Variants in PRRC2C observed in about 807,000 individuals in gnomAD.
The protein encoded by PRRC2C is proline rich coiled-coil 2C.
A neutral mutation model predicts 317.2 loss-of-function variants in PRRC2C; 72 were observed. That is an observed-to-expected ratio of 0.23 (90% confidence interval 0.19 to 0.28). The LOEUF is 0.28. Among genes scored for constraint, PRRC2C ranks in the 10% least tolerant of loss-of-function variants. The pLI, the probability that PRRC2C is intolerant of heterozygous loss-of-function variation, is 1.00. For missense variants in PRRC2C, 3,074 were observed against 3,459.7 expected, an observed-to-expected ratio of 0.89 and a Z score of 2.80; for synonymous variants, 1,296 against 1,205.9, an observed-to-expected ratio of 1.07 and a Z score of -1.55.
chr1:171,544,642 G>A (rs998791053), intron 16 of PRRC2C, among the ~76,000 whole-genome samples: 4 of 152,156 alleles, frequency 2.6e-5, no homozygotes, highest in Non-Finnish European at 5.9e-5. Context: ...AGATTTTTGT[G>A]CCATGTAAAT....
chr1:171,492,901 A>G (rs974057093), intron 1 of PRRC2C, among the ~76,000 whole-genome samples: 13 of 151,804 alleles, frequency 8.6e-5, no homozygotes, highest in Non-Finnish European at 1.8e-4. Flanking sequence ...ACAGGTGTGT[A>G]CCAGCACACC....
chr1:171,549,338 A>G (rs1278255114), intron 17 of PRRC2C, among the ~76,000 whole-genome samples: 4 of 152,202 alleles, frequency 2.6e-5, no homozygotes, highest in Admixed American at 1.3e-4. Flanking sequence ...CACTAAGCCA[A>G]TTTATTTCAT....
Position 171,541,529 on chromosome 1 carries a change from A to G in PRRC2C, c.4063A>G (p.Arg1355Gly). The G allele has an allele frequency of 6.2e-7, 1 of 1,613,582 alleles. No homozygotes were observed. Among genetic ancestry groups the G allele is most frequent in the African/African-American group, 1.3e-5 (1 of 75,034 alleles). The stretch of plus-strand genomic sequence containing the variant: ...AGGGGGAACATTCAGGCGTGGTGGA[A>G]GGGATCCTGGAGGCCGTCCATCACG... ...GRGGTFRRGG[R>G]DPGGRPSRPS... is the part of the protein sequence containing the mutation. The change falls in exon 16 of 35, where the codon AGG (arginine) becomes GGG (glycine). Residue 1355 changes from arginine to glycine, a missense_variant. Arg to Gly is a moderately radical substitution (Grantham distance 125, BLOSUM62 -2). This residue lies in a region of PRRC2C where 1,320 missense variants were observed against 1,395.7 expected (regional missense o/e 0.95). Coordinates refer to ENST00000647382, the MANE Select transcript of PRRC2C (RefSeq NM_001387844.1). The surrounding 1 kb of genome is among the most constrained non-coding windows in gnomAD (Gnocchi z 4.1).
chr1:171,573,780 G>A lies in PRRC2C; in HGVS notation c.6754-1147G>A, dbSNP rs936255577. ...TGCAACCTCTGCCTCCCGGGTTCAC[G>A]CAATTCTCCTGCCTCAGCCTCCCGA... On this transcript the variant is annotated intron_variant, in intron 24 of 34. Coordinates refer to ENST00000647382, the MANE Select transcript of PRRC2C (RefSeq NM_001387844.1). Among the ~76,000 whole-genome samples the A allele has an allele frequency of 5.7e-5, 8 of 140,212 alleles. No homozygotes were observed. The East Asian group carries it at 6.9e-4, about 12-fold the overall frequency. The allele number at this position is 140,212 out of a possible 152,430, so 92.0% of individuals were successfully genotyped here.
At chr1:171,554,406 C>T (rs1349411997) in intron 18 of PRRC2C, among the ~76,000 whole-genome samples, 1 of 152,166 alleles carries the variant, frequency 6.6e-6, no homozygotes, top group African/African-American at 2.4e-5. Flanking sequence ...ATTGATGAGT[C>T]TTGACTCTTT....
chr1:171,517,210 C>A (rs1040538795), intron 5 of PRRC2C, among the ~76,000 whole-genome samples: 2 of 152,190 alleles, frequency 1.3e-5, no homozygotes, highest in African/African-American at 4.8e-5. Flanking sequence ...TCACTGTCAA[C>A]CCTTCCAGAT....
At chr1:171,544,051 A>G (rs753645467) in intron 16 of PRRC2C, among the ~76,000 whole-genome samples, 1 of 152,104 alleles carries the variant, frequency 6.6e-6, no homozygotes, top group Non-Finnish European at 1.5e-5. Flanking sequence ...TCACCTTCCA[A>G]AGTTCTCACC....
intron 1 of PRRC2C, chr1:171,510,394 T>C (rs1360854272): frequency 2.6e-5 from 4 of 152,228 alleles, no homozygotes; most frequent in African/African-American, 9.6e-5. Context: ...TTGACTGTTT[T>C]TCTTGATACA....
Position 171,557,892 on chromosome 1 carries a change from C to G in PRRC2C, c.5780C>G (p.Ala1927Gly). The change falls in exon 19 of 35, where the codon GCC becomes GGC. Residue 1927 changes from alanine (A) to glycine (G), a missense_variant. Physicochemically the swap from Ala to Gly is moderately conservative, Grantham distance 60 (BLOSUM62 0). Around this residue, in one of 11 missense-constraint regions of PRRC2C, gnomAD observed 640 missense variants for 676.1 expected, o/e 0.95. Transcript: ENST00000647382. ...ACCCCAGTCTCAGCCCCAAATCCTG[C>G]CCCACCTGCCCCAGCCCAGACTCAG... ...APTPVSAPNP[A>G]PPAPAQTQAQ... The G allele has an allele frequency of 6.5e-7, 1 of 1,547,940 alleles. No homozygotes were observed. The highest frequency in any genetic ancestry group is 1.2e-5 in the South Asian group (1 of 83,308).
chr1:171,493,934 T>C lies in PRRC2C; in HGVS notation c.-58+8199T>C, dbSNP rs540471314. ...TATTCTAAGAGCTTTATACACACTT[T>C]GTTAATTAAATCTTATAATAGTATT... On this transcript the variant is annotated intron_variant, in intron 1 of 34. Transcript: ENST00000647382. 3.9e-5 allele frequency among the ~76,000 whole-genome samples: 6 copies of C among 152,378 alleles called. No homozygotes were observed. In the South Asian group the frequency reaches 1.2e-3, roughly 32 times the overall value.
chr1:171,555,849 G>T (rs796606367), intron 18 of PRRC2C, among the ~76,000 whole-genome samples: 1 of 151,882 alleles, frequency 6.6e-6, no homozygotes, highest in Admixed American at 6.6e-5. Context: ...TGGAAGCCTC[G>T]GTCTCCCAGT....
Position 171,584,417 on chromosome 1 carries a change from A to G in PRRC2C, c.7642-2A>G. 1 of 1,549,368 alleles carries G rather than the reference A, an allele frequency of 6.5e-7. No individual in the cohort carries two copies. Reference sequence around the variant, plus strand: ...CATGTTTTCTTAAAAAATTTTTTCTAGGCCAGAGCAAATCTTACCCAGGCC... The same window carrying G: ...CATGTTTTCTTAAAAAATTTTTTCTGGGCCAGAGCAAATCTTACCCAGGCC... On this transcript the variant is annotated splice_acceptor_variant, in intron 29 of 34. Coordinates refer to ENST00000647382, the MANE Select transcript of PRRC2C (RefSeq NM_001387844.1). LOFTEE classifies it high-confidence loss of function.
In PRRC2C at chr1:171,561,042, C is replaced by G; in HGVS notation, c.6056C>G (p.Pro2019Arg). The change falls in exon 20 of 35, where the codon CCA becomes CGA. Residue 2019 changes from proline (P) to arginine (R), a missense_variant. Pro to Arg is a moderately radical substitution (Grantham distance 103). This residue lies in a region of PRRC2C where 640 missense variants were observed against 676.1 expected (regional missense o/e 0.95). Transcript: ENST00000647382. The part of the protein sequence containing the change: ...KKLGPISPPQ[P>R]PSVSAWNKPL... ...GTAGGTCCCATTAGTCCACCACAGC[C>G]ACCTTCAGTCAGTGCATGGAATAAG... 1 of 1,606,666 alleles carries G rather than the reference C, an allele frequency of 6.2e-7. No individual in the cohort carries two copies. The highest frequency in any genetic ancestry group is 1.3e-5 in the African/African-American group (1 of 74,862).
Position 171,537,388 on chromosome 1 carries a change from A to G in PRRC2C, c.2419A>G (p.Met807Val). ...CGCAATTTCCCTTTCTGAGCCTCGT[A>G]TGCTGTGGGGGTCAGATCCCTATCC... ...DHAISLSEPR[M>V]LWGSDPYPHA... The change falls in exon 15 of 35, where the codon ATG becomes GTG. Residue 807 changes from methionine to valine, a missense_variant. Met to Val is a conservative substitution (Grantham distance 21). This residue lies in a region of PRRC2C where 1,320 missense variants were observed against 1,395.7 expected (regional missense o/e 0.95). Transcript: ENST00000647382. 1 of 1,588,724 alleles carries G rather than the reference A, an allele frequency of 6.3e-7. No individual in the cohort carries two copies. Among genetic ancestry groups the G allele is most frequent in the Non-Finnish European group, 8.6e-7 (1 of 1,166,728 alleles).
intron 28 of PRRC2C, among the ~76,000 whole-genome samples, chr1:171,580,667 C>T (rs1648361671): frequency 6.6e-6 from 1 of 152,004 alleles, no homozygotes; most frequent in Non-Finnish European, 1.5e-5. Context: ...TTTGTTTTAA[C>T]CTGAGGTTAT....
At position 171,575,041 on chromosome 1, in the gene PRRC2C, C is replaced by A. The variant is rs1269453605; in HGVS notation, c.6868C>A (p.Pro2290Thr). The change falls in exon 25 of 35, where the codon CCA becomes ACA. Residue 2290 changes from proline (P) to threonine (T), a missense_variant. By Grantham distance (38) the Pro-to-Thr change is conservative. Transcript: ENST00000647382. Reference sequence around the variant, plus strand: ...TGGAGTCAGCAGTAGTGCCAGTGGACCAAGCACTGCTAATTACAATTCGTT... The same window carrying A: ...TGGAGTCAGCAGTAGTGCCAGTGGAACAAGCACTGCTAATTACAATTCGTT... ...ATGVSSSASG[P>T]STANYNSFSS... 5 of 1,613,696 alleles carry A rather than the reference C, an allele frequency of 3.1e-6. No homozygotes were observed. The highest frequency in any genetic ancestry group is 4.2e-6 in the Non-Finnish European group (5 of 1,179,818).
At chr1:171,578,361 C>T (rs182897) in intron 26 of PRRC2C, among the ~76,000 whole-genome samples, 121,654 of 151,736 alleles carry the variant, frequency 0.8, 48,902 homozygotes, top group Middle Eastern at 0.89. Context: ...AAGACCAACC[C>T]GAGCAACATA....
chr1:171,555,954 G>A (rs1681288891), intron 18 of PRRC2C, among the ~76,000 whole-genome samples: 1 of 152,220 alleles, frequency 6.6e-6, no homozygotes, highest in Admixed American at 6.5e-5. Flanking sequence ...CCTCTTCAGA[G>A]CAGTCAGACA....
chr1:171,560,864 C>T (rs1262981388), intron 19 of PRRC2C, among the ~76,000 whole-genome samples, 154 bp from the exon 20 acceptor site: 5 of 152,270 alleles, frequency 3.3e-5, no homozygotes, highest in African/African-American at 1.2e-4. Flanking sequence ...TATGTTGATA[C>T]ATAATAATCT....
Sources: allele counts gnomAD v4.1 joint callset (sites outside exome capture counted in the v4.1 genomes callset), GRCh38; gene constraint gnomAD v4.1.1; regional missense constraint gnomAD v4.1.1; non-coding constraint Gnocchi (gnomAD v3.1); transcripts MANE v1.5; gene names NCBI Gene and HGNC (gene_info 2026-07-23, HGNC 2026-07-21).